The following AGAP3 variants were observed in gnomAD, a reference collection of about 807,000 sequenced individuals.
AGAP3 encodes the protein arf-GAP with GTPase, ANK repeat and PH domain-containing protein 3.
In AGAP3, 24 loss-of-function variants were observed where a neutral mutation model predicts 96.9. The observed-to-expected ratio is 0.25, with a 90% CI of 0.18 to 0.35. AGAP3 has a LOEUF of 0.35. Among genes scored for constraint, AGAP3 ranks in the 10% least tolerant of loss-of-function variants. AGAP3 has a pLI of 1.00. For synonymous variants in AGAP3, 563 were observed against 536.1 expected (o/e 1.05, Z -0.69); for missense variants, 876 against 1,254.2 (o/e 0.70, Z 4.55).
At position 151,129,731 on chromosome 7, in the gene AGAP3, CTCGCGAG is replaced by C. The variant is rs149134988; in HGVS notation, c.1326+1050_1326+1056del. Among the ~76,000 whole-genome samples the C allele has an allele frequency of 0.011, 1,600 of 152,072 alleles. 132 individuals are homozygous for C. The East Asian group carries it at 0.22, about 21-fold the overall frequency. On this transcript the variant is annotated intron_variant, in intron 10 of 17. Transcript: ENST00000397238. The stretch of plus-strand genomic sequence containing the variant: ...CACCGCGGGCACAGACCTTGTCCCA[CTCGCGAG>C]TCCTTGCGAGGCAATGAGAGGCAGC...
At position 151,118,433 on chromosome 7, in the gene AGAP3, C is replaced by CT; in HGVS notation, c.842-71dup. On this transcript the variant is annotated intron_variant, in intron 6 of 17. Transcript: ENST00000397238. The surrounding 1 kb of genome is among the most constrained non-coding windows in gnomAD (Gnocchi z 6.1). The stretch of plus-strand genomic sequence containing the variant: ...TCCCAGTGAGAGCAAGGCTGTGTGT[C>CT]TGGGGGGAGGTGCTAAGCCAGGCTT... 4 of 1,600,282 alleles carry CT rather than the reference C, an allele frequency of 2.5e-6. No homozygotes were observed. The highest frequency in any genetic ancestry group is 3.4e-6 in the Non-Finnish European group (4 of 1,169,410).
intron 1 of AGAP3, among the ~76,000 whole-genome samples, chr7:151,095,798 T>A (rs1030951253): frequency 1.3e-5 from 2 of 148,572 alleles, no homozygotes; most frequent in Non-Finnish European, 1.5e-5. Flanking sequence ...TTTCCATCAC[T>A]CTGAGGCAGC....
chr7:151,118,383 G>A lies in AGAP3; in HGVS notation c.841+39G>A. 6.3e-7 allele frequency: 1 copy of A among 1,597,362 alleles called. No homozygotes were observed. Among genetic ancestry groups the A allele is most frequent in the Non-Finnish European group, 8.6e-7 (1 of 1,167,322 alleles). On this transcript the variant is annotated intron_variant, in intron 6 of 17. Transcript: ENST00000397238. The surrounding 1 kb of genome is among the most constrained non-coding windows in gnomAD (Gnocchi z 6.1). Reference sequence around the variant, plus strand: ...CGGGTGGGAGTCACTGGCAGCCGCGGCCCCAGTGCTGGCGATAGGAAGGCT... The same window carrying A: ...CGGGTGGGAGTCACTGGCAGCCGCGACCCCAGTGCTGGCGATAGGAAGGCT...
At position 151,103,621 on chromosome 7, in the gene AGAP3, C is replaced by T. The variant is rs374166087; in HGVS notation, c.332-13172C>T. 5.3e-5 allele frequency among the ~76,000 whole-genome samples: 8 copies of T among 152,206 alleles called. No homozygotes were observed. In the East Asian group the frequency reaches 7.7e-4, roughly 15 times the overall value. On this transcript the variant is annotated intron_variant, in intron 1 of 17. Transcript: ENST00000397238. Reference sequence around the variant, plus strand: ...CTCTTCAGCAGGCATCTCCTGAGGACAGGCACATCATTCTACACAACCATT... The same window carrying T: ...CTCTTCAGCAGGCATCTCCTGAGGATAGGCACATCATTCTACACAACCATT...
intron 11 of AGAP3, among the ~76,000 whole-genome samples, chr7:151,135,886 CTG>C (rs1287727216): frequency 6.6e-6 from 1 of 152,132 alleles, no homozygotes; most frequent in Non-Finnish European, 1.5e-5. Flanking sequence ...TTCAACCTAA[CTG>C]TGTCTGACTT....
At chr7:151,115,326 C>A in intron 1 of AGAP3, 1 of 1,012,708 alleles carries the variant, frequency 9.9e-7, no homozygotes, top group Non-Finnish European at 1.2e-6. Context: ...CCTGGCGGCG[C>A]TCAGGAAGAG....
Position 151,138,173 on chromosome 7 carries a change from T to G in AGAP3, c.1526T>G (p.Leu509Arg), listed in dbSNP as rs1563523851. 1 of 1,607,778 alleles carries G rather than the reference T, an allele frequency of 6.2e-7. No homozygotes were observed. Among genetic ancestry groups the G allele is most frequent in the East Asian group, 2.2e-5 (1 of 44,564 alleles). The change falls in exon 12 of 18, where the codon CTG becomes CGG. Residue 509 changes from leucine to arginine, a missense_variant. Coordinates refer to ENST00000397238, the MANE Select transcript of AGAP3 (RefSeq NM_031946.7). ...GAPHSASSAS[L>R]HSERPLSSSA... Reference sequence around the variant, plus strand: ...CCCCACTCGGCCAGCAGCGCATCCCTGCACTCTGAGCGCCCCCTCAGCAGC... The same window carrying G: ...CCCCACTCGGCCAGCAGCGCATCCCGGCACTCTGAGCGCCCCCTCAGCAGC...
chr7:151,140,174 AGT>A lies in AGAP3; in HGVS notation c.1804+59_1804+60del. On this transcript the variant is annotated intron_variant, in intron 13 of 17. Coordinates refer to ENST00000397238, the MANE Select transcript of AGAP3 (RefSeq NM_031946.7). The surrounding 1 kb of genome is among the most constrained non-coding windows in gnomAD (Gnocchi z 5.4). ...GAGGTGGGCAGTGGGACTTGGGGAT[AGT>A]ACCCTAAAAGTAACACCTATTTTTT... The A allele has an allele frequency of 7.0e-7, 1 of 1,437,470 alleles. No individual in the cohort carries two copies. The allele number at this position is 1,437,470 out of a possible 1,614,324, so 89.0% of individuals were successfully genotyped here.
At chr7:151,120,977 C>T (rs1799855271) in intron 8 of AGAP3, 1 of 522,806 alleles carries the variant, frequency 1.9e-6, no homozygotes, top group Non-Finnish European at 2.5e-6. Flanking sequence ...GTGGGTGAAC[C>T]CCCGTGTGGG....
chr7:151,126,386 G>C (rs1373496550), intron 9 of AGAP3, among the ~76,000 whole-genome samples: 2 of 151,290 alleles, frequency 1.3e-5, no homozygotes, highest in Admixed American at 6.6e-5. Flanking sequence ...GGGGCGGGGC[G>C]GGGCCGGCCG....
Position 151,096,159 on chromosome 7 carries a change from G to A in AGAP3, c.331+9087G>A, listed in dbSNP as rs532506029. Among the ~76,000 whole-genome samples the A allele has an allele frequency of 1.3e-5, 2 of 152,356 alleles. No homozygotes were observed. The highest frequency in any genetic ancestry group is 2.1e-4 in the South Asian group (1 of 4,830). ...AGGATGTGCGTGCTGGGTGGCGACTGTCTCATTACTTGTCTCAGAGGCTCA... is the reference window on the plus strand; with the variant it reads ...AGGATGTGCGTGCTGGGTGGCGACTATCTCATTACTTGTCTCAGAGGCTCA... On this transcript the variant is annotated intron_variant, in intron 1 of 17. Transcript: ENST00000397238. This position sits in a 1 kb window ranked among gnomAD's most constrained non-coding sequence, Gnocchi z 4.4.
chr7:151,110,798 C>T (rs1799247201), intron 1 of AGAP3, among the ~76,000 whole-genome samples: 1 of 152,042 alleles, frequency 6.6e-6, no homozygotes, highest in African/African-American at 2.4e-5. Context: ...ACGGATTGGG[C>T]TGGGGGAGTG....
intron 12 of AGAP3, among the ~76,000 whole-genome samples, chr7:151,138,561 A>G (rs773393622): frequency 3.9e-5 from 6 of 152,090 alleles, no homozygotes; most frequent in Non-Finnish European, 5.9e-5. Context: ...TTTTCCCCAG[A>G]GCCCCCATCT....
chr7:151,093,355 G>T (rs1418749360), intron 1 of AGAP3, among the ~76,000 whole-genome samples: 2 of 152,112 alleles, frequency 1.3e-5, no homozygotes, highest in East Asian at 3.9e-4. Flanking sequence ...TGTTTGGCCT[G>T]GTCTTGAACT....
In AGAP3 at chr7:151,118,684, C is replaced by G. The variant is rs769786956; in HGVS notation, c.969+52C>G. 6.3e-7 allele frequency: 1 copy of G among 1,590,918 alleles called. No individual in the cohort carries two copies. The highest frequency in any genetic ancestry group is 1.7e-5 in the Admixed American group (1 of 59,664). On this transcript the variant is annotated intron_variant, in intron 7 of 17. Transcript: ENST00000397238. The surrounding 1 kb of genome is among the most constrained non-coding windows in gnomAD (Gnocchi z 6.1). ...TCCTGTCCCCACCATGTCTGTCTTGCCTCTGTGCGTCCTGCCACTTCTGCT... is the reference window on the plus strand; with the variant it reads ...TCCTGTCCCCACCATGTCTGTCTTGGCTCTGTGCGTCCTGCCACTTCTGCT...
chr7:151,117,051 G>A lies in AGAP3; in HGVS notation c.391-44G>A, dbSNP rs58651340. Reference sequence around the variant, plus strand: ...CTTTTCCTGCTGGGTCTTCTCCCTCGTGCCCTCTGCCCTCTGACCCACTCA... The same window carrying A: ...CTTTTCCTGCTGGGTCTTCTCCCTCATGCCCTCTGCCCTCTGACCCACTCA... On this transcript the variant is annotated intron_variant, in intron 2 of 17. Transcript: ENST00000397238. 7.2e-3 allele frequency: 11,429 copies of A among 1,581,942 alleles called. 647 individuals are homozygous for A. In the African/African-American group the frequency reaches 0.12, roughly 17 times the overall value.
At chr7:151,091,192 AC>A (rs1798384676) in intron 1 of AGAP3, among the ~76,000 whole-genome samples, 1 of 152,148 alleles carries the variant, frequency 6.6e-6, no homozygotes, top group Non-Finnish European at 1.5e-5. Flanking sequence ...GCTGCACCAC[AC>A]ACTGCTGAGG....
At chr7:151,138,517 G>A (rs1323487524) in intron 12 of AGAP3, among the ~76,000 whole-genome samples, 1 of 152,208 alleles carries the variant, frequency 6.6e-6, no homozygotes, top group Non-Finnish European at 1.5e-5. Flanking sequence ...CAGAGTAGGG[G>A]CACTGTCCCT....
intron 1 of AGAP3, among the ~76,000 whole-genome samples, chr7:151,109,687 A>C (rs1409345101): frequency 6.6e-6 from 1 of 152,180 alleles, no homozygotes; most frequent in Non-Finnish European, 1.5e-5. Context: ...AGGGCTCTCC[A>C]GGGTCCTCCG....
Sources: gnomAD v4.1 joint callset for allele counts (sites outside exome capture counted in the v4.1 genomes callset) on GRCh38, gnomAD v4.1.1 for gene constraint, Gnocchi (gnomAD v3.1) non-coding constraint, MANE v1.5 for transcripts, NCBI Gene and HGNC (gene_info 2026-07-23, HGNC 2026-07-21) for gene names.